ARHGAP26: variants seen among roughly 807,000 people sequenced by gnomAD.
The protein encoded by ARHGAP26 is Rho GTPase activating protein 26.
ARHGAP26 carries 38 observed loss-of-function variants against 104.8 expected under a neutral mutation model. That is an observed-to-expected ratio of 0.36 (90% CI 0.28 to 0.48). The LOEUF is 0.48. ARHGAP26 is among the 20% of genes least tolerant of loss of function. ARHGAP26 has a pLI of 0.99. For synonymous variants in ARHGAP26, 341 were observed against 340.0 expected (o/e 1.00, Z -0.03); for missense variants, 704 against 947.9 (o/e 0.74, Z 3.38).
intron 1 of ARHGAP26, among the ~76,000 whole-genome samples, chr5:142,782,701 G>A (rs1757758888): frequency 6.6e-6 from 1 of 152,120 alleles, no homozygotes. Context: ...TTGACCTTTG[G>A]AGATGAAACT....
intron 20 of ARHGAP26, 81 bp from the exon 21 acceptor site, chr5:143,207,117 A>G (rs1808684966): frequency 2.6e-6 from 4 of 1,539,222 alleles, no homozygotes; most frequent in Non-Finnish European, 2.6e-6. Flanking sequence ...GCTTTCCGTC[A>G]TCTGGCCTCC....
chr5:143,148,846 T>C (rs1436901799), intron 20 of ARHGAP26, among the ~76,000 whole-genome samples: 2 of 152,328 alleles, frequency 1.3e-5, no homozygotes, highest in East Asian at 1.9e-4. Context: ...GCTGAAGTGA[T>C]TCCTTGCTCT....
chr5:143,067,574 C>A (rs1428271475), intron 17 of ARHGAP26, among the ~76,000 whole-genome samples: 1 of 152,152 alleles, frequency 6.6e-6, no homozygotes, highest in Non-Finnish European at 1.5e-5. Context: ...GAAAGTTTTT[C>A]TTCCAGCAGT....
intron 17 of ARHGAP26, among the ~76,000 whole-genome samples, chr5:143,092,395 A>T (rs1273089894): frequency 6.6e-6 from 1 of 151,916 alleles, no homozygotes; most frequent in Non-Finnish European, 1.5e-5. Flanking sequence ...CGATCTCCTG[A>T]CCTCGTGATC....
intron 1 of ARHGAP26, among the ~76,000 whole-genome samples, chr5:142,790,920 C>T (rs1463296882): frequency 6.6e-6 from 1 of 152,124 alleles, no homozygotes; most frequent in Non-Finnish European, 1.5e-5. Context: ...TGGTACTTCT[C>T]ACCCTCTAAA....
chr5:142,974,744 G>A (rs1772811984), intron 11 of ARHGAP26, among the ~76,000 whole-genome samples: 1 of 152,182 alleles, frequency 6.6e-6, no homozygotes, highest in Admixed American at 6.5e-5. Context: ...GGCAAGCTGA[G>A]CTTCTAGAAA....
intron 17 of ARHGAP26, among the ~76,000 whole-genome samples, chr5:143,073,077 C>G (rs187027948): frequency 1.3e-5 from 2 of 152,250 alleles, no homozygotes; most frequent in African/African-American, 2.4e-5. Flanking sequence ...ATAGTTAAAT[C>G]TGATCTTAGC....
intron 17 of ARHGAP26, among the ~76,000 whole-genome samples, chr5:143,119,161 C>T (rs1795841591): frequency 6.6e-6 from 1 of 151,984 alleles, no homozygotes; most frequent in Non-Finnish European, 1.5e-5. Context: ...GGTCAGGAAC[C>T]CTAGTTAGGA....
chr5:142,815,993 C>T (rs1342186696), intron 1 of ARHGAP26, among the ~76,000 whole-genome samples: 2 of 151,498 alleles, frequency 1.3e-5, no homozygotes, highest in African/African-American at 2.4e-5. Flanking sequence ...GAGATGAGGT[C>T]CCGATATGTT....
chr5:143,101,095 AAAAC>A lies in ARHGAP26; in HGVS notation c.1539-19877_1539-19874del, dbSNP rs759592854. Among the ~76,000 whole-genome samples, 33 of 152,296 alleles carry A rather than the reference AAAAC, an allele frequency of 2.2e-4. No individual in the cohort carries two copies. The Middle Eastern group carries it at 0.01, about 47-fold the overall frequency. On this transcript the variant is annotated intron_variant, in intron 17 of 22. Transcript: ENST00000645722. ...GCAACAAAGCAAGACTCTATCTCAA[AAAAC>A]AAACAAACAAACAAAAAACCAAAGA...
chr5:142,974,407 G>A (rs1480163610), intron 11 of ARHGAP26, among the ~76,000 whole-genome samples: 2 of 152,052 alleles, frequency 1.3e-5, no homozygotes, highest in East Asian at 1.9e-4. Context: ...AATATGGAGC[G>A]CGAATGTTTG....
intron 20 of ARHGAP26, among the ~76,000 whole-genome samples, chr5:143,190,064 GT>G (rs1805727321): frequency 6.6e-6 from 1 of 151,354 alleles, no homozygotes; most frequent in Admixed American, 6.6e-5. Flanking sequence ...GGTTTCTGGG[GT>G]TCAGAATGCC....
intron 17 of ARHGAP26, among the ~76,000 whole-genome samples, chr5:143,090,008 G>C (rs1045163269): frequency 2.6e-5 from 4 of 152,210 alleles, no homozygotes; most frequent in Admixed American, 6.5e-5. Context: ...ATCCGTTTGG[G>C]GATGAACAAG....
intron 1 of ARHGAP26, among the ~76,000 whole-genome samples, chr5:142,802,085 G>T (rs762394025): frequency 1.9e-4 from 29 of 152,182 alleles, no homozygotes; most frequent in Admixed American, 6.5e-5. Flanking sequence ...CTATTCTGTG[G>T]TACCTTTTAT....
chr5:142,846,406 A>G (rs564543510), intron 1 of ARHGAP26, among the ~76,000 whole-genome samples: 12 of 152,106 alleles, frequency 7.9e-5, no homozygotes, highest in Non-Finnish European at 1.6e-4. Context: ...TCCCAGGGGA[A>G]TGTCTTTTGG....
intron 1 of ARHGAP26, among the ~76,000 whole-genome samples, chr5:142,773,140 C>G (rs1755588316): frequency 6.6e-6 from 1 of 151,788 alleles, no homozygotes; most frequent in Non-Finnish European, 1.5e-5. Flanking sequence ...TCAGACATTC[C>G]GATATCATGA....
intron 21 of ARHGAP26, among the ~76,000 whole-genome samples, chr5:143,210,859 A>G (rs536943541): frequency 2.3e-4 from 35 of 151,528 alleles, no homozygotes; most frequent in Non-Finnish European, 4.1e-4. Flanking sequence ...CAACTTGTTC[A>G]TGCCCTTAAA....
At chr5:143,140,625 C>T (rs982158557) in intron 19 of ARHGAP26, among the ~76,000 whole-genome samples, 1 of 152,064 alleles carries the variant, frequency 6.6e-6, no homozygotes, top group African/African-American at 2.4e-5. Context: ...CCTGCAGATT[C>T]CAAAAGAGAG....
At chr5:142,772,640 A>G (rs1045229279) in intron 1 of ARHGAP26, 25 of 453,456 alleles carry the variant, frequency 5.5e-5, no homozygotes, top group Non-Finnish European at 1.1e-4. Context: ...ATGAGAAAAC[A>G]GAGACTGGGG....
Sources: allele counts gnomAD v4.1 joint callset (sites outside exome capture counted in the v4.1 genomes callset), GRCh38; gene constraint gnomAD v4.1.1; transcripts MANE v1.5; gene names NCBI Gene and HGNC (gene_info 2026-07-23, HGNC 2026-07-21).